The following MROH2A variants were observed in gnomAD, a reference collection of about 807,000 sequenced individuals.
MROH2A encodes maestro heat-like repeat-containing protein family member 2A.
In MROH2A, 174 loss-of-function variants were observed where a neutral mutation model predicts 200.4. That is an observed-to-expected ratio of 0.87 (90% confidence interval 0.77 to 0.98). The LOEUF (loss-of-function observed/expected upper bound fraction) is 0.98, where lower values mean the gene tolerates loss of function less well. Ranked by LOEUF, MROH2A falls within the 50% of genes least tolerant of loss-of-function variation. The pLI, the probability that MROH2A is intolerant of heterozygous loss-of-function variation, is 0.00. For synonymous variants in MROH2A, 829 were observed against 840.4 expected, an observed-to-expected ratio of 0.99 and a Z score of 0.23; for missense variants, 2,045 against 2,139.6, an observed-to-expected ratio of 0.96 and a Z score of 0.87.
intron 23 of MROH2A, 92 bp from the exon 24 acceptor site, chr2:233,811,788 G>T (rs1047469404): frequency 7.3e-6 from 6 of 818,146 alleles, no homozygotes; most frequent in African/African-American, 3.4e-5. Context: ...TAGACACTTT[G>T]GGAAGTGCCA....
chr2:233,829,498 C>A, intron 37 of MROH2A, 122 bp from the exon 38 acceptor site: 1 of 989,010 alleles, frequency 1.0e-6, no homozygotes, highest in Non-Finnish European at 1.4e-6. Flanking sequence ...AGACTACACC[C>A]TGACGGAATG....
intron 6 of MROH2A, 42 bp downstream of exon 6, chr2:233,792,936 G>T: frequency 6.5e-7 from 1 of 1,543,240 alleles, no homozygotes; most frequent in Non-Finnish European, 8.8e-7. Context: ...CTCGATCAGG[G>T]CGCCGGAGGG....
Position 233,832,625 on chromosome 2 carries a change from C to T in MROH2A, c.4884C>T (p.Asp1628=). The T allele has an allele frequency of 6.5e-7, 1 of 1,549,434 alleles. No homozygotes were observed. Among genetic ancestry groups the T allele is most frequent in the Non-Finnish European group, 8.7e-7 (1 of 1,145,930 alleles). Residue 1628 remains aspartate (D), a synonymous_variant, in exon 41 of 42, where the codon GAC becomes GAT. Transcript: ENST00000389758. ...QMSTHYLKKL[D]FPALRNSLQE... ...CTACACATTATCTGAAAAAGCTGGA[C>T]TTCCCAGCATTACGGAATTGTGAGT...
chr2:233,788,613 C>G (rs1216184243), intron 3 of MROH2A, among the ~76,000 whole-genome samples: 1 of 152,082 alleles, frequency 6.6e-6, no homozygotes, highest in Non-Finnish European at 1.5e-5. Flanking sequence ...CAGGCAGTGG[C>G]TCCACCTAGA....
Position 233,828,830 on chromosome 2 carries a change from G to A in MROH2A, c.4263+51G>A, listed in dbSNP as rs1028102784. The A allele has an allele frequency of 2.1e-5, 33 of 1,549,066 alleles. No homozygotes were observed. In the East Asian group the frequency reaches 7.8e-4, roughly 37 times the overall value. Reference sequence around the variant, plus strand: ...GTCCCGGGAGCTGAGGGTGCAGGCCGGGTGCCCTGGTCAGCCTGGGAGGGA... The same window carrying A: ...GTCCCGGGAGCTGAGGGTGCAGGCCAGGTGCCCTGGTCAGCCTGGGAGGGA... On this transcript the variant is annotated intron_variant, in intron 36 of 41. Transcript: ENST00000389758. This position sits in a 1 kb window ranked among gnomAD's most constrained non-coding sequence, Gnocchi z 4.6.
intron 21 of MROH2A, 101 bp from the exon 22 acceptor site, chr2:233,809,025 C>A: frequency 3.0e-6 from 4 of 1,354,282 alleles, no homozygotes; most frequent in Non-Finnish European, 4.0e-6. Flanking sequence ...GCACCGCCAG[C>A]TGACTCAATG....
At chr2:233,827,384 T>C (rs1294203939) in intron 35 of MROH2A, among the ~76,000 whole-genome samples, 2 of 152,210 alleles carry the variant, frequency 1.3e-5, no homozygotes, top group Non-Finnish European at 2.9e-5. Context: ...TGGAATACTA[T>C]GCAGCCATAA....
At position 233,808,904 on chromosome 2, in the gene MROH2A, A is replaced by ATGCCCAGT. The variant is rs1260859932; in HGVS notation, c.2296-221_2296-214dup. Among the ~76,000 whole-genome samples the ATGCCCAGT allele has an allele frequency of 2.0e-5, 3 of 152,230 alleles. No individual in the cohort carries two copies. In the South Asian group the frequency reaches 6.2e-4, roughly 31 times the overall value. ...CCTAGTCTGTCTTGCTCATTACTGCATGCCCAGTGCCTGGTGTCTAGTAGA... is the reference window on the plus strand; with the variant it reads ...CCTAGTCTGTCTTGCTCATTACTGCATGCCCAGTTGCCCAGTGCCTGGTGTCTAGTAGA... On this transcript the variant is annotated intron_variant, in intron 21 of 41. Transcript: ENST00000389758.
chr2:233,806,617 C>T (rs569759612), intron 19 of MROH2A, among the ~76,000 whole-genome samples: 17 of 152,068 alleles, frequency 1.1e-4, no homozygotes, highest in African/African-American at 3.4e-4. Context: ...CTGATCATGA[C>T]GTATGTTGGG....
Position 233,819,367 on chromosome 2 carries a change from G to A in MROH2A, c.3255G>A (p.Lys1085=), listed in dbSNP as rs1703776284. Residue 1085 remains lysine, a synonymous_variant, in exon 30 of 42, where the codon AAG becomes AAA. Coordinates refer to ENST00000389758, the MANE Select transcript of MROH2A (RefSeq NM_001394639.1). ...ATGAGGTGGTCTCGCTCATCCAGAA[G>A]CTCTGCGAGAACACTGGGGCCATGA... is the stretch of plus-strand genomic sequence containing the variant. ...SCDEVVSLIQ[K]LCENTGAMNL... The A allele has an allele frequency of 6.4e-7, 1 of 1,550,510 alleles. No individual in the cohort carries two copies.
chr2:233,823,517 G>T, intron 34 of MROH2A, 39 bp from the exon 35 acceptor site: 1 of 1,535,110 alleles, frequency 6.5e-7, no homozygotes, highest in Admixed American at 2.0e-5. Flanking sequence ...GGCAGGGGTG[G>T]GGCCGCCTCC....
chr2:233,785,415 G>A (rs1486139685), intron 3 of MROH2A, among the ~76,000 whole-genome samples: 4 of 146,440 alleles, frequency 2.7e-5, no homozygotes, highest in Non-Finnish European at 5.9e-5. Flanking sequence ...GCTGCAGTGA[G>A]CCATTTTGCA....
intron 11 of MROH2A, among the ~76,000 whole-genome samples, chr2:233,796,743 A>G (rs741160): frequency 0.2 from 30,513 of 151,992 alleles, 3,253 homozygotes; most frequent in African/African-American, 0.26. Context: ...ACTAGCTCAC[A>G]CTCTGCCTTT....
At chr2:233,788,026 A>G (rs1282956298) in intron 3 of MROH2A, among the ~76,000 whole-genome samples, 1 of 83,096 alleles carries the variant, frequency 1.2e-5, no homozygotes, top group Non-Finnish European at 2.0e-5. Flanking sequence ...ATATATACAT[A>G]TATTATATAT....
At position 233,796,014 on chromosome 2, in the gene MROH2A, G is replaced by C. The variant is rs28900428; in HGVS notation, c.1107G>C (p.Leu369=). ...PAQHQYSSQN[L]MEMVHCFVAL... ...AGCATCAGTACAGCAGCCAGAATCT[G>C]ATGGAGATGGTGCACTGCTTCGTAG... The change falls in exon 10 of 42, where the codon CTG becomes CTC. Residue 369 remains leucine (L), a synonymous_variant. Coordinates refer to ENST00000389758, the MANE Select transcript of MROH2A (RefSeq NM_001394639.1). 6.4e-7 allele frequency: 1 copy of C among 1,550,610 alleles called. No individual in the cohort carries two copies. The highest frequency in any genetic ancestry group is 8.7e-7 in the Non-Finnish European group (1 of 1,146,964).
In MROH2A at chr2:233,791,984, T is replaced by TG. The variant is rs551161399; in HGVS notation, c.572-811dup. Among the ~76,000 whole-genome samples the TG allele has an allele frequency of 2.9e-3, 445 of 152,244 alleles. 4 individuals carry two copies. The highest frequency in any genetic ancestry group is 9.8e-3 in the African/African-American group (409 of 41,530). ...GCCTGCCTCCTGTTGCAGGGTGGCC[T>TG]GTTACGGCTCCCTTCCTTCATCCGT... On this transcript the variant is annotated intron_variant, in intron 5 of 41. Transcript: ENST00000389758.
At chr2:233,822,702 T>G (rs1403462212) in intron 33 of MROH2A, 146 bp downstream of exon 33, 1 of 1,126,974 alleles carries the variant, frequency 8.9e-7, no homozygotes, top group Non-Finnish European at 1.3e-6. Context: ...CGTTCTCATG[T>G]GTGTCAAGCA....
rs1704563472 is a variant in MROH2A at position 233,829,484 on chromosome 2, GGA to G, written c.4447-131_4447-130del. 4.7e-6 allele frequency: 4 copies of G among 857,144 alleles called. No individual in the cohort carries two copies. The South Asian group carries it at 1.3e-4, about 28-fold the overall frequency. 53.1% of individuals were successfully genotyped at this position (857,144 alleles called of 1,614,324 possible). On this transcript the variant is annotated intron_variant, in intron 37 of 41. Transcript: ENST00000389758. ...TGAGGGCTACGTGATCCCTGCCAAA[GGA>G]GAGACTACACCCTGACGGAATGATC...
chr2:233,811,475 G>A (rs762081540), intron 23 of MROH2A, among the ~76,000 whole-genome samples: 2 of 152,232 alleles, frequency 1.3e-5, no homozygotes, highest in Non-Finnish European at 2.9e-5. Flanking sequence ...ATGAGATTGG[G>A]TGGAACAGAA....
Sources: allele counts gnomAD v4.1 joint callset (sites outside exome capture counted in the v4.1 genomes callset), GRCh38; gene constraint gnomAD v4.1.1; non-coding constraint Gnocchi (gnomAD v3.1); transcripts MANE v1.5; gene names NCBI Gene and HGNC (gene_info 2026-07-23, HGNC 2026-07-21).